Variants in PLEKHH3 observed in about 807,000 individuals in gnomAD.
PLEKHH3 encodes the protein pleckstrin homology domain-containing family H member 3.
In PLEKHH3, 57 loss-of-function variants were observed where a neutral mutation model predicts 77.8. The ratio of observed to expected loss-of-function variants is 0.73; its 90% CI spans 0.59 to 0.91. The LOEUF is 0.91. Among genes scored for constraint, PLEKHH3 ranks in the 40% least tolerant of loss-of-function variants. PLEKHH3 has a pLI of 0.00. For synonymous variants in PLEKHH3, 467 were observed against 504.8 expected (o/e 0.93, Z 1.00); for missense variants, 1,082 against 1,091.2 (o/e 0.99, Z 0.12).
chr17:42,676,136 A>C lies in PLEKHH3; in HGVS notation c.162+266T>G. On this transcript the variant is annotated intron_variant, in intron 1 of 12. Transcript: ENST00000591022. This position sits in a 1 kb window ranked among gnomAD's most constrained non-coding sequence, Gnocchi z 6.6. ...CAGCGGGGAAGGGAGAGGCAGGGCC[A>C]GGTCGGGCCACGCGTGACGCCTCCC... is the stretch of plus-strand genomic sequence containing the variant. 7.5e-7 allele frequency: 1 copy of C among 1,336,378 alleles called. No homozygotes were observed. The highest frequency in any genetic ancestry group is 1.8e-5 in the South Asian group (1 of 54,102). The allele number at this position is 1,336,378 out of a possible 1,614,324, so 82.8% of individuals were successfully genotyped here.
At position 42,673,415 on chromosome 17, in the gene PLEKHH3, A is replaced by G. The variant is rs2052745652; in HGVS notation, c.632T>C (p.Leu211Pro). Residue 211 changes from leucine (L) to proline (P), a missense_variant, in exon 5 of 13, where the codon CTG (leucine) becomes CCG (proline). Transcript: ENST00000591022. ...GGTGTGTACCTGTATGTCCCTGAGCAGTAGCTGGGTGGGGGTCTCCAGGGG... is the reference window on the plus strand; with the variant it reads ...GGTGTGTACCTGTATGTCCCTGAGCGGTAGCTGGGTGGGGGTCTCCAGGGG... ...KAPLETPTQL[L>P]LRDIQESCGD... 1 of 1,613,472 alleles carries G rather than the reference A, an allele frequency of 6.2e-7. No individual in the cohort carries two copies. The highest frequency in any genetic ancestry group is 8.5e-7 in the Non-Finnish European group (1 of 1,179,894).
Position 42,674,398 on chromosome 17 carries a change from T to C in PLEKHH3, c.174A>G (p.Glu58=). The C allele has an allele frequency of 1.3e-6, 2 of 1,594,386 alleles. No individual in the cohort carries two copies. Among genetic ancestry groups the C allele is most frequent in the Non-Finnish European group, 1.7e-6 (2 of 1,171,218 alleles). ...TCCTCACTGGCTGAGTCAGCGTCAC[T>C]TCCAGGGGACCCTGGGGAGACAGGC... The part of the protein sequence containing the change: ...SPAGGGRGPL[E]VTLTQPVRSG... Residue 58 remains glutamate (E), a synonymous_variant, in exon 2 of 13, where the codon GAA becomes GAG. Coordinates refer to ENST00000591022, the MANE Select transcript of PLEKHH3 (RefSeq NM_024927.5).
chr17:42,668,068 C>T lies in PLEKHH3; in HGVS notation c.*59G>A, dbSNP rs2052593416. On this transcript the variant is annotated 3_prime_UTR_variant, in exon 13 of 13. Coordinates refer to ENST00000591022, the MANE Select transcript of PLEKHH3 (RefSeq NM_024927.5). ...AAAAGGGTCCATGTTTCCCTCAAAT[C>T]TCAGAGCAGTCCTGGCCCAGGCTGC... is the stretch of plus-strand genomic sequence containing the variant. The T allele has an allele frequency of 2.3e-6, 3 of 1,290,232 alleles. No individual in the cohort carries two copies. Among genetic ancestry groups the T allele is most frequent in the Non-Finnish European group, 2.9e-6 (3 of 1,017,156 alleles). 79.9% of individuals were successfully genotyped at this position (1,290,232 alleles called of 1,614,324 possible).
In PLEKHH3 at chr17:42,669,482, TG is replaced by T; in HGVS notation, c.2152del (p.His718ThrfsTer5). 1 of 1,600,804 alleles carries T rather than the reference TG, an allele frequency of 6.2e-7. No individual in the cohort carries two copies. The highest frequency in any genetic ancestry group is 8.5e-7 in the Non-Finnish European group (1 of 1,171,118). ...CTCTCCCACCCTCAAGGCCAGGGTG[TG>T]GGGGCCCATTAGCTGGCAGGCGGCC... ...HVAACQLMGP[H>X]TLALRVGESQ... is the part of the protein sequence containing the mutation. On this transcript the variant is annotated frameshift_variant, in exon 12 of 13. Transcript: ENST00000591022. LOFTEE classifies it high-confidence loss of function.
At position 42,667,956 on chromosome 17, in the gene PLEKHH3, C is replaced by A; in HGVS notation, c.*171G>T. The A allele has an allele frequency of 6.6e-6, 3 of 451,872 alleles. No homozygotes were observed. Among genetic ancestry groups the A allele is most frequent in the East Asian group, 3.8e-5 (1 of 26,396 alleles). 28.0% of individuals were successfully genotyped at this position (451,872 alleles called of 1,614,324 possible). A position where few individuals can be genotyped will look rare whatever the true frequency, so the allele number is the denominator to read the frequency against. ...CTTTTTTTTTTTTTTTGCTTCTCTT[C>A]TACAAATAAATTAAGAAACAAACTA... On this transcript the variant is annotated 3_prime_UTR_variant, in exon 13 of 13. Coordinates refer to ENST00000591022, the MANE Select transcript of PLEKHH3 (RefSeq NM_024927.5).
rs1479961425 is a variant in PLEKHH3 at position 42,676,573 on chromosome 17, G to A, written c.-10C>T. ...CCCCGGGGAGAGGCATCCGGGCGAG[G>A]AGCTGCGGATGGGGGCGCGGGCAGC... On this transcript the variant is annotated 5_prime_UTR_variant, in exon 1 of 13. Coordinates refer to ENST00000591022, the MANE Select transcript of PLEKHH3 (RefSeq NM_024927.5). The surrounding 1 kb of genome is among the most constrained non-coding windows in gnomAD (Gnocchi z 6.6). 1 of 1,549,046 alleles carries A rather than the reference G, an allele frequency of 6.5e-7. No homozygotes were observed. The highest frequency in any genetic ancestry group is 1.2e-5 in the South Asian group (1 of 84,442).
At chr17:42,669,768 G>C in intron 11 of PLEKHH3, 147 bp from the exon 12 acceptor site, 1 of 1,491,794 alleles carries the variant, frequency 6.7e-7, no homozygotes, top group Non-Finnish European at 9.1e-7. Flanking sequence ...CCAGGGATGT[G>C]AGGGCCCAAG....
chr17:42,670,460 G>A (rs1329241039), intron 10 of PLEKHH3, 84 bp from the exon 11 acceptor site: 10 of 1,514,136 alleles, frequency 6.6e-6, no homozygotes, highest in Non-Finnish European at 8.8e-6. Flanking sequence ...GCAGGTCTAG[G>A]TTCCAGTCAA....
In PLEKHH3 at chr17:42,672,168, A is replaced by G. The variant is rs748248830; in HGVS notation, c.994T>C (p.Tyr332His). The G allele has an allele frequency of 2.7e-5, 42 of 1,550,006 alleles. No homozygotes were observed. Among genetic ancestry groups the G allele is most frequent in the Non-Finnish European group, 3.7e-5 (42 of 1,146,114 alleles). ...CTCATGCAGGTGAGGAGTTGCCAGT[A>G]CCGCAGGGCCGCAGGGTCTTGGGTA... ...PATQDPAALR[Y>H]WQLLTCMSCT... Residue 332 changes from tyrosine to histidine, a missense_variant, in exon 7 of 13, where the codon TAC (tyrosine) becomes CAC (histidine). Tyr to His is a moderately conservative substitution (Grantham distance 83). Transcript: ENST00000591022.
chr17:42,673,902 G>A, intron 3 of PLEKHH3, 32 bp downstream of exon 3: 1 of 1,611,992 alleles, frequency 6.2e-7, no homozygotes, highest in Non-Finnish European at 8.5e-7. Context: ...TGGGATTGGG[G>A]GCCTCCAGAG....
Position 42,671,852 on chromosome 17 carries a change from G to T in PLEKHH3, c.1076+234C>A, listed in dbSNP as rs978413394. Among the ~76,000 whole-genome samples the T allele has an allele frequency of 1.3e-5, 2 of 152,102 alleles. No individual in the cohort carries two copies. Among genetic ancestry groups the T allele is most frequent in the Non-Finnish European group, 2.9e-5 (2 of 68,034 alleles). On this transcript the variant is annotated intron_variant, in intron 7 of 12. Transcript: ENST00000591022. The surrounding 1 kb of genome is among the most constrained non-coding windows in gnomAD (Gnocchi z 4.7). ...TTACTACATTTTCCTAAGCCCTGGC[G>T]CTGGCCTGCATCAGCTGGAGGAAAA... is the stretch of plus-strand genomic sequence containing the variant.
chr17:42,669,669 AT>A, intron 11 of PLEKHH3, 48 bp from the exon 12 acceptor site: 1 of 1,562,006 alleles, frequency 6.4e-7, no homozygotes, highest in Non-Finnish European at 8.7e-7. Flanking sequence ...GCCCAGCGTT[AT>A]TTTTGGTAGG....
At chr17:42,674,054 T>C in intron 2 of PLEKHH3, 41 bp from the exon 3 acceptor site, 1 of 1,594,658 alleles carries the variant, frequency 6.3e-7, no homozygotes, top group African/African-American at 1.3e-5. Flanking sequence ...CCACTCTGCC[T>C]CTAGGGGGCT....
intron 2 of PLEKHH3, 36 bp from the exon 3 acceptor site, chr17:42,674,049 C>G: frequency 1.9e-6 from 3 of 1,604,732 alleles, no homozygotes; most frequent in Non-Finnish European, 2.6e-6. Flanking sequence ...GGTCTCCACT[C>G]TGCCTCTAGG....
chr17:42,670,510 C>G, intron 10 of PLEKHH3, 63 bp downstream of exon 10: 1 of 1,559,044 alleles, frequency 6.4e-7, no homozygotes, highest in South Asian at 1.2e-5. Flanking sequence ...ATGAGACGGC[C>G]TAGAAAACCA....
chr17:42,672,618 G>T (rs769945145), intron 6 of PLEKHH3, among the ~76,000 whole-genome samples: 1 of 152,146 alleles, frequency 6.6e-6, no homozygotes, highest in Non-Finnish European at 1.5e-5. Context: ...CACTAAGCCT[G>T]CATTTGGACT....
Position 42,670,383 on chromosome 17 carries a change from G to C in PLEKHH3, c.1555-7C>G. The C allele has an allele frequency of 2.1e-6, 3 of 1,440,988 alleles. No homozygotes were observed. Among genetic ancestry groups the C allele is most frequent in the Non-Finnish European group, 2.7e-6 (3 of 1,106,358 alleles). The allele number at this position is 1,440,988 out of a possible 1,614,324, so 89.3% of individuals were successfully genotyped here. On this transcript the variant is annotated splice_polypyrimidine_tract_variant and splice_region_variant and intron_variant, in intron 10 of 12. Coordinates refer to ENST00000591022, the MANE Select transcript of PLEKHH3 (RefSeq NM_024927.5). ...GCAGCAGCAGAGCGTGAGCCTGCAG[G>C]GGAGGCACCCGGCGTCAGTGTACGA...
rs1286056810 is a variant in PLEKHH3, at chr17:42,676,650, A to C, written c.-87T>G. 1 of 1,319,334 alleles carries C rather than the reference A, an allele frequency of 7.6e-7. No homozygotes were observed. Among genetic ancestry groups the C allele is most frequent in the Non-Finnish European group, 1.1e-6 (1 of 951,494 alleles). 81.7% of individuals were successfully genotyped at this position (1,319,334 alleles called of 1,614,324 possible). A position where few individuals can be genotyped will look rare whatever the true frequency, so the allele number is the denominator to read the frequency against. ...GAACTGGCGGGGCTCCGACCCGAGCAGGGGAAAGATGAGGTGGGAGGAGCA... is the reference window on the plus strand; with the variant it reads ...GAACTGGCGGGGCTCCGACCCGAGCCGGGGAAAGATGAGGTGGGAGGAGCA... On this transcript the variant is annotated 5_prime_UTR_variant, in exon 1 of 13. Coordinates refer to ENST00000591022, the MANE Select transcript of PLEKHH3 (RefSeq NM_024927.5). This position sits in a 1 kb window ranked among gnomAD's most constrained non-coding sequence, Gnocchi z 6.6.
Position 42,669,462 on chromosome 17 carries a change from C to T in PLEKHH3, c.2173G>A (p.Gly725Arg), listed in dbSNP as rs776553186. 2.5e-6 allele frequency: 4 copies of T among 1,575,476 alleles called. No homozygotes were observed. The South Asian group carries it at 3.4e-5, about 14-fold the overall frequency. ...CTCTGCAGGAGGAGCTGGCTCTCTC[C>T]CACCCTCAAGGCCAGGGTGTGGGGG... ...MGPHTLALRV[G>R]ESQLLLQSPQ... The change falls in exon 12 of 13, where the codon GGA (glycine) becomes AGA (arginine). Residue 725 changes from glycine to arginine, a missense_variant. By Grantham distance (125) the Gly-to-Arg change is moderately radical (BLOSUM62 -2). Around this residue, in one of 3 missense-constraint regions of PLEKHH3, gnomAD observed 733 missense variants for 750.0 expected, o/e 0.98. Coordinates refer to ENST00000591022, the MANE Select transcript of PLEKHH3 (RefSeq NM_024927.5).
Sources: gnomAD v4.1 joint callset for allele counts (sites outside exome capture counted in the v4.1 genomes callset) on GRCh38, gnomAD v4.1.1 for gene constraint, gnomAD v4.1.1 regional missense constraint, Gnocchi (gnomAD v3.1) non-coding constraint, MANE v1.5 for transcripts, NCBI Gene and HGNC (gene_info 2026-07-23, HGNC 2026-07-21) for gene names.